CD83: variants seen among roughly 807,000 people sequenced by gnomAD.
CD83 encodes CD83 molecule.
Under a neutral mutation model 24.6 loss-of-function variants are expected in CD83, and 22 were observed. The ratio of observed to expected loss-of-function variants is 0.90; its 90% CI spans 0.64 to 1.28. The LOEUF is 1.28. CD83 is among the 50% of genes most tolerant of loss of function. The pLI is 0.00. For missense variants in CD83, 253 were observed against 252.8 expected (o/e 1.00, Z -0.01); for synonymous variants, 101 against 103.5 (o/e 0.98, Z 0.14).
chr6:14,118,012 C>T lies in CD83; in HGVS notation c.100C>T (p.Pro34Ser). ...KVACSEDVDLPCTAPWDPQVP... is the reference protein window; with the variant it reads ...KVACSEDVDLSCTAPWDPQVP... ...GGCTTGCTCCGAAGATGTGGACTTG[C>T]CCTGCACCGCCCCCTGGGATCCGCA... The change falls in exon 2 of 5, where the codon CCC becomes TCC. Residue 34 changes from proline (P) to serine (S), a missense_variant. Transcript: ENST00000379153. The T allele has an allele frequency of 6.2e-7, 1 of 1,611,288 alleles. No homozygotes were observed.
intron 2 of CD83, among the ~76,000 whole-genome samples, chr6:14,123,860 A>G (rs1345347535): frequency 6.6e-6 from 1 of 152,074 alleles, no homozygotes; most frequent in East Asian, 1.9e-4. Flanking sequence ...GTACTTGGCA[A>G]TGTCACTACA....
intron 2 of CD83, among the ~76,000 whole-genome samples, chr6:14,130,148 C>T (rs1757852821): frequency 6.6e-6 from 1 of 152,158 alleles, no homozygotes; most frequent in South Asian, 2.1e-4. Context: ...CCTGGGCTCC[C>T]TGCTGGTCCC....
At chr6:14,133,587 C>CT (rs1483118175) in intron 3 of CD83, 62 bp from the exon 4 acceptor site, 9 of 1,155,582 alleles carry the variant, frequency 7.8e-6, no homozygotes, top group African/African-American at 1.5e-5. Flanking sequence ...GCATTCTTAG[C>CT]TTTTTTTCAT....
chr6:14,122,031 T>C (rs1759682709), intron 2 of CD83, among the ~76,000 whole-genome samples: 1 of 152,188 alleles, frequency 6.6e-6, no homozygotes, highest in African/African-American at 2.4e-5. Context: ...TGGTGTCATC[T>C]CTGGGTGATG....
chr6:14,117,806 C>G lies in CD83; in HGVS notation c.-6C>G. The G allele has an allele frequency of 6.5e-7, 1 of 1,550,178 alleles. No individual in the cohort carries two copies. The highest frequency in any genetic ancestry group is 8.7e-7 in the Non-Finnish European group (1 of 1,155,028). Reference sequence around the variant, plus strand: ...CAGCTCGTGGCAGCGGCGCAGCGCTCCAGCCATGTCGCGCGGCCTCCAGCT... The same window carrying G: ...CAGCTCGTGGCAGCGGCGCAGCGCTGCAGCCATGTCGCGCGGCCTCCAGCT... On this transcript the variant is annotated 5_prime_UTR_variant, in exon 1 of 5. Coordinates refer to ENST00000379153, the MANE Select transcript of CD83 (RefSeq NM_004233.4). This position sits in a 1 kb window ranked among gnomAD's most constrained non-coding sequence, Gnocchi z 4.6.
chr6:14,125,265 C>T (rs1277734391), intron 2 of CD83, among the ~76,000 whole-genome samples: 1 of 152,202 alleles, frequency 6.6e-6, no homozygotes, highest in Non-Finnish European at 1.5e-5. Context: ...ATGAATGTCC[C>T]CAGGACTTGG....
upstream of CD83, chr6:14,117,439 G>A (rs1472088712): frequency 6.6e-6 from 1 of 152,008 alleles, no homozygotes; most frequent in African/African-American, 2.4e-5. The surrounding 1 kb of genome is among the most constrained non-coding windows in gnomAD (Gnocchi z 4.6). Flanking sequence ...GCAGCGTCAC[G>A]CGCGCGAGCG....
At chr6:14,130,075 T>C (rs1757851269) in intron 2 of CD83, among the ~76,000 whole-genome samples, 1 of 152,116 alleles carries the variant, frequency 6.6e-6, no homozygotes, top group Non-Finnish European at 1.5e-5. Context: ...CTCTGTCTCC[T>C]TCCCTAAGGT....
intron 2 of CD83, among the ~76,000 whole-genome samples, chr6:14,120,241 A>G: frequency 6.6e-6 from 1 of 152,128 alleles, no homozygotes; most frequent in South Asian, 2.1e-4. Context: ...TCCTTTAAGC[A>G]TTTTTTTTAA....
chr6:14,133,769 TAAAACA>T lies in CD83; in HGVS notation c.489+15_489+20del. 6.7e-7 allele frequency: 1 copy of T among 1,500,384 alleles called. No individual in the cohort carries two copies. 92.9% of individuals were successfully genotyped at this position (1,500,384 alleles called of 1,614,324 possible). ...ATTTTCACTTGTGTAAGTATCTTCTTAAAACATCTTCTCTTATTAAAAGATTACCCA... is the reference window on the plus strand; with the variant it reads ...ATTTTCACTTGTGTAAGTATCTTCTTTCTTCTCTTATTAAAAGATTACCCA... On this transcript the variant is annotated intron_variant, in intron 4 of 4. Coordinates refer to ENST00000379153, the MANE Select transcript of CD83 (RefSeq NM_004233.4).
chr6:14,122,850 T>C (rs899992692), intron 2 of CD83, among the ~76,000 whole-genome samples: 3 of 152,256 alleles, frequency 2.0e-5, no homozygotes, highest in African/African-American at 7.2e-5. Context: ...TCAGGATCAA[T>C]GTAGAACTTT....
In CD83 at chr6:14,136,371, T is replaced by C. The variant is rs1041166833; in HGVS notation, c.*1135T>C. ...CCTGTAGCCTTCTGTAGGAATTCTT[T>C]TGGGGAAGTGAGGAAGCCAGGTCCA... On this transcript the variant is annotated 3_prime_UTR_variant, in exon 5 of 5. Coordinates refer to ENST00000379153, the MANE Select transcript of CD83 (RefSeq NM_004233.4). 3.3e-5 allele frequency: 5 copies of C among 152,172 alleles called. No individual in the cohort carries two copies. The highest frequency in any genetic ancestry group is 1.2e-4 in the African/African-American group (5 of 41,426). 9.4% of individuals were successfully genotyped at this position (152,172 alleles called of 1,614,324 possible). A position where few individuals can be genotyped will look rare whatever the true frequency, so the allele number is the denominator to read the frequency against.
At position 14,129,285 on chromosome 6, in the gene CD83, G is replaced by C. The variant is rs1199948591; in HGVS notation, c.154-2235G>C. Among the ~76,000 whole-genome samples, 2 of 152,230 alleles carry C rather than the reference G, an allele frequency of 1.3e-5. No individual in the cohort carries two copies. The highest frequency in any genetic ancestry group is 3.8e-4 in the East Asian group (2 of 5,202). On this transcript the variant is annotated intron_variant, in intron 2 of 4. Transcript: ENST00000379153. This position sits in a 1 kb window ranked among gnomAD's most constrained non-coding sequence, Gnocchi z 4.3. ...CCATCCTAGACACAGATTGGCCCTGGATGGGCCTCGGTCTCTGGTCTCTTG... is the reference window on the plus strand; with the variant it reads ...CCATCCTAGACACAGATTGGCCCTGCATGGGCCTCGGTCTCTGGTCTCTTG...
At position 14,122,121 on chromosome 6, in the gene CD83, G is replaced by T. The variant is rs193283430; in HGVS notation, c.153+4056G>T. Among the ~76,000 whole-genome samples the T allele has an allele frequency of 2.6e-5, 4 of 152,302 alleles. No individual in the cohort carries two copies. In the East Asian group the frequency reaches 7.7e-4, roughly 29 times the overall value. On this transcript the variant is annotated intron_variant, in intron 2 of 4. Coordinates refer to ENST00000379153, the MANE Select transcript of CD83 (RefSeq NM_004233.4). ...TTCCAAAGGAAGGGAGAAAAGGGAAGTAAGAGTGTGACTTCATATAAAAGT... is the reference window on the plus strand; with the variant it reads ...TTCCAAAGGAAGGGAGAAAAGGGAATTAAGAGTGTGACTTCATATAAAAGT...
chr6:14,120,412 T>C (rs1180506989), intron 2 of CD83, among the ~76,000 whole-genome samples: 1 of 152,244 alleles, frequency 6.6e-6, no homozygotes, highest in Non-Finnish European at 1.5e-5. Context: ...GTTAAGCATC[T>C]GGTCATTTTT....
chr6:14,120,031 G>A (rs1759635018), intron 2 of CD83, among the ~76,000 whole-genome samples: 1 of 152,168 alleles, frequency 6.6e-6, no homozygotes, highest in South Asian at 2.1e-4. Flanking sequence ...TACCCCCAAG[G>A]TCTTTGAAAG....
In CD83 at chr6:14,117,887, G is replaced by C; in HGVS notation, c.37+39G>C. 6.3e-7 allele frequency: 1 copy of C among 1,575,538 alleles called. No individual in the cohort carries two copies. Among genetic ancestry groups the C allele is most frequent in the Non-Finnish European group, 8.6e-7 (1 of 1,165,542 alleles). Reference sequence around the variant, plus strand: ...GCGCCTGTCTCGCCTGTCGCCCCCCGCCCCTCCACGACACCCCCTCCCGTC... The same window carrying C: ...GCGCCTGTCTCGCCTGTCGCCCCCCCCCCCTCCACGACACCCCCTCCCGTC... On this transcript the variant is annotated intron_variant, in intron 1 of 4. Transcript: ENST00000379153. This position sits in a 1 kb window ranked among gnomAD's most constrained non-coding sequence, Gnocchi z 4.6.
At chr6:14,133,618 A>G in intron 3 of CD83, 31 bp from the exon 4 acceptor site, 2 of 1,434,920 alleles carry the variant, frequency 1.4e-6, no homozygotes, top group Admixed American at 1.9e-5. Context: ...TCCTGTTAAA[A>G]TGGCTTCACA....
intron 2 of CD83, 131 bp from the exon 3 acceptor site, chr6:14,131,389 A>C: frequency 1.5e-6 from 1 of 669,636 alleles, no homozygotes; most frequent in East Asian, 2.7e-5. Flanking sequence ...GGTCACACAC[A>C]CACAAAAGCA....
Sources: allele counts gnomAD v4.1 joint callset (sites outside exome capture counted in the v4.1 genomes callset), GRCh38; gene constraint gnomAD v4.1.1; non-coding constraint Gnocchi (gnomAD v3.1); transcripts MANE v1.5; gene names NCBI Gene and HGNC (gene_info 2026-07-23, HGNC 2026-07-21).